The following SLC45A2 variants were observed in gnomAD, a reference collection of about 807,000 sequenced individuals.
The protein encoded by SLC45A2 is membrane-associated transporter protein.
A neutral mutation model predicts 45.5 loss-of-function variants in SLC45A2; 36 were observed. The ratio of observed to expected loss-of-function variants is 0.79; its 90% CI spans 0.61 to 1.04. SLC45A2 has a LOEUF of 1.04. SLC45A2 is among the 50% of genes least tolerant of loss of function. SLC45A2 has a pLI of 0.00. For synonymous variants in SLC45A2, 306 were observed against 269.3 expected, an observed-to-expected ratio of 1.14 and a Z score of -1.33; for missense variants, 719 against 671.0, an observed-to-expected ratio of 1.07 and a Z score of -0.79.
intron 2 of SLC45A2, among the ~76,000 whole-genome samples, chr5:33,965,675 G>A (rs1425040788): frequency 2.0e-5 from 3 of 152,188 alleles, no homozygotes; most frequent in Non-Finnish European, 4.4e-5. Context: ...CACACTCTAC[G>A]ACTGATTCAG....
rs914169891 is a variant in SLC45A2, at chr5:33,946,588, G to A, written c.1368+575C>T. The A allele has an allele frequency of 6.0e-6, 6 of 995,240 alleles. No homozygotes were observed. In the Admixed American group the frequency reaches 2.7e-4, roughly 46 times the overall value. The allele number at this position is 995,240 out of a possible 1,614,324, so 61.7% of individuals were successfully genotyped here. Reference sequence around the variant, plus strand: ...TGCGTTCCAAGGTTTAAATGGCACAGGTCCCGCTCAGGGCAGCAAAGTGGG... The same window carrying A: ...TGCGTTCCAAGGTTTAAATGGCACAAGTCCCGCTCAGGGCAGCAAAGTGGG... On this transcript the variant is annotated intron_variant, in intron 6 of 6. Transcript: ENST00000296589.
At chr5:33,958,691 T>G (rs1319627050) in intron 3 of SLC45A2, among the ~76,000 whole-genome samples, 5 of 152,154 alleles carry the variant, frequency 3.3e-5, no homozygotes, top group Non-Finnish European at 5.9e-5. Flanking sequence ...TCAATTTGTT[T>G]TTTAAACCAA....
intron 1 of SLC45A2, 72 bp from the exon 2 acceptor site, chr5:33,982,484 A>G: frequency 6.9e-7 from 1 of 1,439,656 alleles, no homozygotes; most frequent in Admixed American, 1.8e-5. Context: ...TTTCCACCTA[A>G]ACTTCTTGCC....
chr5:33,972,004 A>C (rs564898575), intron 2 of SLC45A2: 10 of 460,530 alleles, frequency 2.2e-5, no homozygotes, highest in African/African-American at 1.8e-4. Flanking sequence ...GGCCTCCCAC[A>C]GTGTTGGGAT....
chr5:33,968,875 G>A (rs112462865), intron 2 of SLC45A2, among the ~76,000 whole-genome samples: 2 of 152,110 alleles, frequency 1.3e-5, no homozygotes, highest in African/African-American at 4.8e-5. Flanking sequence ...TCTGAAGGAG[G>A]ACAGACTAAA....
chr5:33,975,277 G>T (rs1292489589), intron 2 of SLC45A2, among the ~76,000 whole-genome samples: 1 of 152,204 alleles, frequency 6.6e-6, no homozygotes, highest in East Asian at 1.9e-4. Flanking sequence ...TATAAACAGG[G>T]TTATGTAACC....
Position 33,947,203 on chromosome 5 carries a change from A to C in SLC45A2, c.1328T>G (p.Phe443Cys), listed in dbSNP as rs2111901131. The change falls in exon 6 of 7, where the codon TTT becomes TGT. Residue 443 changes from phenylalanine (F) to cysteine (C), a missense_variant. Transcript: ENST00000296589. ...VMSSTLYTVP[F>C]NLITEYHREE... ...GCGGTGGTACTCAGTAATGAGGTTA[A>C]AGGGCACAGTGTACAGGGTGCTGGA... The C allele has an allele frequency of 1.9e-6, 3 of 1,614,248 alleles. No individual in the cohort carries two copies. The highest frequency in any genetic ancestry group is 1.6e-4 in the Middle Eastern group (1 of 6,062).
chr5:33,956,824 C>A (rs1579541659), intron 3 of SLC45A2, among the ~76,000 whole-genome samples: 1 of 152,264 alleles, frequency 6.6e-6, no homozygotes, highest in East Asian at 1.9e-4. Context: ...ACCCCCAGTT[C>A]TTTAGGGATG....
At chr5:33,960,908 C>G (rs1433465679) in intron 3 of SLC45A2, among the ~76,000 whole-genome samples, 1 of 152,106 alleles carries the variant, frequency 6.6e-6, no homozygotes, top group Non-Finnish European at 1.5e-5. Flanking sequence ...AAGAGAAAAG[C>G]TGGTGAAGCA....
intron 5 of SLC45A2, among the ~76,000 whole-genome samples, chr5:33,947,967 G>A (rs1339383107): frequency 2.0e-5 from 3 of 152,136 alleles, no homozygotes; most frequent in Non-Finnish European, 4.4e-5. Context: ...GACTGGTAAG[G>A]GGCTCCCACA....
chr5:33,972,146 C>A, intron 2 of SLC45A2: 1 of 519,810 alleles, frequency 1.9e-6, no homozygotes, highest in Admixed American at 2.0e-5. Flanking sequence ...CAGGGACCAT[C>A]CACCATGCAT....
chr5:33,975,887 C>T (rs1462644656), intron 2 of SLC45A2, among the ~76,000 whole-genome samples: 3 of 152,126 alleles, frequency 2.0e-5, no homozygotes, highest in Non-Finnish European at 4.4e-5. Context: ...TCCCCATTCC[C>T]CCTTCCTTCT....
At chr5:33,983,386 A>G (rs1381301890) in intron 1 of SLC45A2, among the ~76,000 whole-genome samples, 3 of 152,152 alleles carry the variant, frequency 2.0e-5, no homozygotes, top group Non-Finnish European at 4.4e-5. Context: ...GCCACTTCTC[A>G]CCTCCTGTCC....
chr5:33,958,854 C>G (rs28777), intron 3 of SLC45A2, among the ~76,000 whole-genome samples: 1 of 152,072 alleles, frequency 6.6e-6, no homozygotes, highest in South Asian at 2.1e-4. Context: ...CTCACAGCAG[C>G]CTCTGAGTGG....
At position 33,982,366 on chromosome 5, in the gene SLC45A2, G is replaced by A. The variant is rs200477301; in HGVS notation, c.432C>T (p.Val144=). The change falls in exon 2 of 7, where the codon GTC becomes GTT. Residue 144 remains valine, a synonymous_variant. Transcript: ENST00000296589. The part of the protein sequence containing the change: ...PRRKLVWAIS[V]TMIGVVLFDF... The stretch of plus-strand genomic sequence containing the variant: ...CAAAGAGAACGACACCTATCATGGT[G>A]ACACTTATGGCCCAAACCAGCTTCC... 67 of 1,614,044 alleles carry A rather than the reference G, an allele frequency of 4.2e-5. No homozygotes were observed. The highest frequency in any genetic ancestry group is 2.0e-4 in the Admixed American group (12 of 60,002).
At chr5:33,966,427 C>CTTTTTTTTTT (rs367752652) in intron 2 of SLC45A2, among the ~76,000 whole-genome samples, 7 of 95,196 alleles carry the variant, frequency 7.4e-5, no homozygotes, top group East Asian at 3.6e-4. Context: ...AAGCTACTTT[C>CTTTTTTTTTT]TTTTTTTTTT....
Position 33,984,313 on chromosome 5 carries a change from CCG to C in SLC45A2, c.269_270del (p.Ser90CysfsTer43), listed in dbSNP as rs1753172773. The C allele has an allele frequency of 1.9e-6, 3 of 1,614,108 alleles. No individual in the cohort carries two copies. The East Asian group carries it at 6.7e-5, about 36-fold the overall frequency. On this transcript the variant is annotated frameshift_variant, in exon 1 of 7. Coordinates refer to ENST00000296589, the MANE Select transcript of SLC45A2 (RefSeq NM_016180.5). LOFTEE classifies it high-confidence loss of function. ...LGFLLQPVVG[S>X]ASDHCRSRWG... ...CACCTGGACCGGCAGTGGTCGCTGG[CCG>C]ATCCGACCACGGGCTGCAGCAGGAA...
chr5:33,945,566 T>A (rs568302947), intron 6 of SLC45A2, among the ~76,000 whole-genome samples: 4 of 152,262 alleles, frequency 2.6e-5, no homozygotes, highest in Admixed American at 2.6e-4. Flanking sequence ...TGTTACTGTA[T>A]TTCAACCTCA....
chr5:33,965,388 T>C (rs896924271), intron 2 of SLC45A2, among the ~76,000 whole-genome samples: 1 of 152,224 alleles, frequency 6.6e-6, no homozygotes. Flanking sequence ...TTCTGGTTAG[T>C]TGCAATTTAA....
Sources: gnomAD v4.1 joint callset for allele counts (sites outside exome capture counted in the v4.1 genomes callset) on GRCh38, gnomAD v4.1.1 for gene constraint, MANE v1.5 for transcripts, NCBI Gene and HGNC (gene_info 2026-07-23, HGNC 2026-07-21) for gene names.